The following CA10 variants were observed in gnomAD, a reference collection of about 807,000 sequenced individuals.
CA10 encodes carbonic anhydrase-related protein 10.
CA10 carries 14 observed loss-of-function variants against 44.2 expected under a neutral mutation model. The observed-to-expected ratio is 0.32, with a 90% CI of 0.21 to 0.50. The LOEUF is 0.50. Ranked by LOEUF, CA10 falls within the 20% of genes least tolerant of loss-of-function variation. The probability of loss-of-function intolerance (pLI) is 0.99; values close to 1 mark genes in which losing one functional copy is unlikely to be tolerated. For synonymous variants in CA10, 159 were observed against 141.6 expected (o/e 1.12, Z -0.87); for missense variants, 350 against 409.7 (o/e 0.85, Z 1.26).
At chr17:52,119,256 G>T (rs898771622) in intron 1 of CA10, among the ~76,000 whole-genome samples, 2 of 150,990 alleles carry the variant, frequency 1.3e-5, no homozygotes, top group Non-Finnish European at 3.0e-5. Flanking sequence ...ATGACTTATG[G>T]CAAAGTAGTT....
intron 4 of CA10, among the ~76,000 whole-genome samples, chr17:51,721,729 G>A (rs1323177970): frequency 6.6e-6 from 1 of 152,118 alleles, no homozygotes; most frequent in Non-Finnish European, 1.5e-5. Context: ...GTCTTCGCGA[G>A]ATTTGATGAG....
chr17:52,026,850 C>T (rs181218967), intron 2 of CA10, among the ~76,000 whole-genome samples: 9 of 152,070 alleles, frequency 5.9e-5, no homozygotes, highest in Admixed American at 3.3e-4. Flanking sequence ...GGCGGGGACA[C>T]AGCCAAACCA....
At chr17:51,687,229 A>G (rs1567803254) in intron 4 of CA10, among the ~76,000 whole-genome samples, 2 of 152,206 alleles carry the variant, frequency 1.3e-5, no homozygotes, top group African/African-American at 4.8e-5. Context: ...TGTAAAATAT[A>G]CTTCCTTTGA....
At chr17:52,071,756 A>G (rs544192705) in intron 2 of CA10, among the ~76,000 whole-genome samples, 1 of 152,292 alleles carries the variant, frequency 6.6e-6, no homozygotes, top group African/African-American at 2.4e-5. Flanking sequence ...GAGGACCATA[A>G]TGAGGGTAAG....
chr17:51,895,083 TGAGC>T, intron 3 of CA10, among the ~76,000 whole-genome samples: 1 of 152,114 alleles, frequency 6.6e-6, no homozygotes, highest in East Asian at 1.9e-4. Flanking sequence ...ATTATTTATT[TGAGC>T]TAAGTATTTT....
At chr17:52,077,387 G>A (rs1043963479) in intron 1 of CA10, among the ~76,000 whole-genome samples, 2 of 152,064 alleles carry the variant, frequency 1.3e-5, no homozygotes, top group African/African-American at 4.8e-5. Flanking sequence ...CATAAAGGGC[G>A]ACATAATACA....
At chr17:52,058,149 G>A (rs976632595) in intron 2 of CA10, among the ~76,000 whole-genome samples, 1 of 152,080 alleles carries the variant, frequency 6.6e-6, no homozygotes, top group African/African-American at 2.4e-5. Flanking sequence ...GCTGTAGTTG[G>A]CACATACTGA....
At chr17:51,945,498 G>A (rs1255600587) in intron 2 of CA10, among the ~76,000 whole-genome samples, 1 of 152,110 alleles carries the variant, frequency 6.6e-6, no homozygotes, top group Non-Finnish European at 1.5e-5. Flanking sequence ...AACTCCAGGG[G>A]GCTGAGGCTC....
intron 3 of CA10, among the ~76,000 whole-genome samples, chr17:51,797,582 G>A (rs560570662): frequency 3.3e-5 from 5 of 152,086 alleles, no homozygotes; most frequent in African/African-American, 7.2e-5. Context: ...GAGGCCAGGC[G>A]CAGTGGCTCA....
chr17:51,887,104 C>T (rs1980636971), intron 3 of CA10, among the ~76,000 whole-genome samples: 1 of 151,910 alleles, frequency 6.6e-6, no homozygotes, highest in South Asian at 2.1e-4. Flanking sequence ...AATAAACCTC[C>T]TCATATATAT....
chr17:51,649,057 C>A, intron 6 of CA10, 125 bp downstream of exon 6: 1 of 662,930 alleles, frequency 1.5e-6, no homozygotes, highest in Middle Eastern at 2.5e-4. Flanking sequence ...GAGTGACTTT[C>A]TACAGAACTG....
At chr17:51,849,886 G>A (rs990309670) in intron 3 of CA10, among the ~76,000 whole-genome samples, 2 of 152,148 alleles carry the variant, frequency 1.3e-5, no homozygotes, top group Non-Finnish European at 2.9e-5. Flanking sequence ...CCATAAGCAA[G>A]TTGAATATGG....
chr17:52,144,859 G>T (rs1427282070), intron 1 of CA10, among the ~76,000 whole-genome samples: 2 of 152,028 alleles, frequency 1.3e-5, no homozygotes, highest in African/African-American at 2.4e-5. Flanking sequence ...CAAACACCAG[G>T]CTCCATTTTT....
intron 3 of CA10, among the ~76,000 whole-genome samples, chr17:51,916,341 G>A (rs1389151650): frequency 1.3e-5 from 2 of 152,202 alleles, no homozygotes; most frequent in African/African-American, 4.8e-5. Flanking sequence ...TCTTGGAGGA[G>A]GCAAGCAAAG....
At chr17:51,828,563 CTTA>C (rs1908118622) in intron 3 of CA10, among the ~76,000 whole-genome samples, 1 of 152,064 alleles carries the variant, frequency 6.6e-6, no homozygotes, top group Non-Finnish European at 1.5e-5. Context: ...ATTCCTAGGA[CTTA>C]TTATAGCCAA....
At chr17:52,057,557 T>C (rs1455335059) in intron 2 of CA10, among the ~76,000 whole-genome samples, 1 of 152,044 alleles carries the variant, frequency 6.6e-6, no homozygotes, top group African/African-American at 2.4e-5. Context: ...CTCTTAGTAG[T>C]TGAGTTTTGG....
At chr17:51,640,676 C>A (rs948829560) in intron 6 of CA10, among the ~76,000 whole-genome samples, 16 of 152,232 alleles carry the variant, frequency 1.1e-4, no homozygotes, top group African/African-American at 3.6e-4. Context: ...CAGAGGGACC[C>A]AAGAAAAGAA....
At chr17:51,770,939 C>A (rs1905583955) in intron 3 of CA10, among the ~76,000 whole-genome samples, 1 of 151,826 alleles carries the variant, frequency 6.6e-6, no homozygotes, top group South Asian at 2.1e-4. Flanking sequence ...TCCTGGCCAA[C>A]ATGGTGAAAC....
chr17:51,885,535 T>A (rs535994808), intron 3 of CA10, among the ~76,000 whole-genome samples: 1 of 152,358 alleles, frequency 6.6e-6, no homozygotes, highest in African/African-American at 2.4e-5. Context: ...ATCTTACACA[T>A]TCTCCTAAGA....
Sources: gnomAD v4.1 joint callset for allele counts (sites outside exome capture counted in the v4.1 genomes callset) on GRCh38, gnomAD v4.1.1 for gene constraint, MANE v1.5 for transcripts, NCBI Gene and HGNC (gene_info 2026-07-23, HGNC 2026-07-21) for gene names.